The following ROR2 variants were observed in gnomAD, a reference collection of about 807,000 sequenced individuals.
ROR2 encodes ROR family WNT receptor 2, also known as tyrosine-protein kinase transmembrane receptor ROR2.
In ROR2, 33 loss-of-function variants were observed where a neutral mutation model predicts 74.9. The ratio of observed to expected loss-of-function variants is 0.44; its 90% confidence interval spans 0.33 to 0.59. The LOEUF is 0.59. Among genes scored for constraint, ROR2 ranks in the 20% least tolerant of loss-of-function variants. The pLI is 0.02. For synonymous variants in ROR2, 586 were observed against 558.7 expected (o/e 1.05, Z -0.69); for missense variants, 1,216 against 1,313.8 (o/e 0.93, Z 1.15).
chr9:91,795,712 T>C (rs1382742814), intron 1 of ROR2, among the ~76,000 whole-genome samples: 1 of 152,220 alleles, frequency 6.6e-6, no homozygotes, highest in African/African-American at 2.4e-5. Context: ...TAATCAATCA[T>C]GGCATCATGT....
At chr9:91,754,271 TTA>T (rs1049997313) in intron 4 of ROR2, among the ~76,000 whole-genome samples, 55 of 150,596 alleles carry the variant, frequency 3.7e-4, no homozygotes, top group African/African-American at 1.1e-3. Context: ...AGCTCTGTAA[TTA>T]TATGTTATGT....
intron 1 of ROR2, among the ~76,000 whole-genome samples, chr9:91,838,682 C>T (rs1471536052): frequency 2.0e-5 from 3 of 151,628 alleles, no homozygotes; most frequent in African/African-American, 7.3e-5. Flanking sequence ...CCGAGCACCA[C>T]GGCCGGCGCA....
chr9:91,866,009 T>C (rs1212403847), intron 1 of ROR2, among the ~76,000 whole-genome samples: 1 of 152,236 alleles, frequency 6.6e-6, no homozygotes, highest in Non-Finnish European at 1.5e-5. Flanking sequence ...CGTGGTACAA[T>C]ATTGGCATCA....
At chr9:91,813,325 T>C (rs1003809735) in intron 1 of ROR2, among the ~76,000 whole-genome samples, 2 of 152,176 alleles carry the variant, frequency 1.3e-5, no homozygotes, top group Admixed American at 1.3e-4. Context: ...ACCTAAACTT[T>C]CACTCTACAA....
intron 1 of ROR2, among the ~76,000 whole-genome samples, chr9:91,927,767 T>C (rs1389309943): frequency 6.6e-6 from 1 of 151,998 alleles, no homozygotes; most frequent in Non-Finnish European, 1.5e-5. Flanking sequence ...TTTCACCATG[T>C]TGCCCAGGCT....
At chr9:91,746,859 T>TAG (rs1825437463) in intron 4 of ROR2, among the ~76,000 whole-genome samples, 4 of 14,266 alleles carry the variant, frequency 2.8e-4, no homozygotes, top group African/African-American at 1.0e-3. Context: ...CTTGAGCAGG[T>TAG]GTGTGTGTGT....
intron 1 of ROR2, among the ~76,000 whole-genome samples, chr9:91,844,393 G>A (rs1399500305): frequency 1.3e-4 from 19 of 151,850 alleles, no homozygotes; most frequent in Admixed American, 9.9e-4. Context: ...CTTGTTCCTC[G>A]CCCAGGGAGC....
chr9:91,876,912 C>T (rs544150322), intron 1 of ROR2, among the ~76,000 whole-genome samples: 2 of 152,194 alleles, frequency 1.3e-5, no homozygotes, highest in East Asian at 1.9e-4. Flanking sequence ...CCAAGCTGAA[C>T]GACTCAAGTG....
At chr9:91,866,784 C>G (rs1829647287) in intron 1 of ROR2, among the ~76,000 whole-genome samples, 1 of 152,144 alleles carries the variant, frequency 6.6e-6, no homozygotes, top group South Asian at 2.1e-4. Flanking sequence ...ATAAGGCTAA[C>G]AGCTACCATA....
At chr9:91,880,764 C>A (rs1830086221) in intron 1 of ROR2, among the ~76,000 whole-genome samples, 2 of 152,238 alleles carry the variant, frequency 1.3e-5, no homozygotes, top group African/African-American at 4.8e-5. Flanking sequence ...AACCTGCCTG[C>A]ACTCTTCAGA....
At chr9:91,784,083 C>G (rs1466030065) in intron 1 of ROR2, among the ~76,000 whole-genome samples, 2 of 152,152 alleles carry the variant, frequency 1.3e-5, no homozygotes, top group East Asian at 3.9e-4. Flanking sequence ...ACTTGCATGT[C>G]CAGGAGACAC....
At chr9:91,904,250 G>A (rs1235911385) in intron 1 of ROR2, among the ~76,000 whole-genome samples, 1 of 152,088 alleles carries the variant, frequency 6.6e-6, no homozygotes, top group Non-Finnish European at 1.5e-5. Flanking sequence ...TGGCACCAGG[G>A]ATCATGGAAG....
intron 2 of ROR2, among the ~76,000 whole-genome samples, 187 bp from the exon 3 acceptor site, chr9:91,757,746 A>T (rs1259837449): frequency 6.6e-6 from 1 of 152,104 alleles, no homozygotes; most frequent in Non-Finnish European, 1.5e-5. Context: ...TGAATACTGA[A>T]CCACTGCTCC....
At chr9:91,890,846 G>A (rs1308251877) in intron 1 of ROR2, among the ~76,000 whole-genome samples, 1 of 152,076 alleles carries the variant, frequency 6.6e-6, no homozygotes, top group Non-Finnish European at 1.5e-5. Flanking sequence ...AGTTAACTAG[G>A]CCTATTTTGC....
At chr9:91,760,838 G>A (rs981765961) in intron 2 of ROR2, among the ~76,000 whole-genome samples, 2 of 152,106 alleles carry the variant, frequency 1.3e-5, no homozygotes, top group African/African-American at 4.8e-5. Context: ...CAGACCTTCT[G>A]AAGTATTCAG....
chr9:91,756,584 C>A (rs184898473), intron 3 of ROR2, among the ~76,000 whole-genome samples: 22 of 152,168 alleles, frequency 1.4e-4, no homozygotes, highest in Non-Finnish European at 3.1e-4. Flanking sequence ...TCGGGCCCTA[C>A]CTAGCCGTCC....
intron 1 of ROR2, among the ~76,000 whole-genome samples, chr9:91,830,546 A>C (rs1406342543): frequency 6.6e-6 from 1 of 152,228 alleles, no homozygotes; most frequent in Non-Finnish European, 1.5e-5. Context: ...TTCAGAGCAC[A>C]CAGCACTAAC....
Position 91,932,670 on chromosome 9 carries a change from A to G in ROR2, c.97+17197T>C, listed in dbSNP as rs537742906. On this transcript the variant is annotated intron_variant, in intron 1 of 8. Coordinates refer to ENST00000375708, the MANE Select transcript of ROR2 (RefSeq NM_004560.4). ...CTGAGCGAGACTGTCTCAAAAAAAA[A>G]AAAGAAAGAAAGAAAAGAAAACAGA... is the stretch of plus-strand genomic sequence containing the variant. Among the ~76,000 whole-genome samples, 82 of 152,162 alleles carry G rather than the reference A, an allele frequency of 5.4e-4. 1 individual carries two copies. The highest frequency in any genetic ancestry group is 1.0e-3 in the Non-Finnish European group (71 of 67,978).
intron 1 of ROR2, among the ~76,000 whole-genome samples, chr9:91,799,538 A>G (rs571098391): frequency 1.3e-5 from 2 of 152,254 alleles, no homozygotes; most frequent in South Asian, 4.1e-4. Flanking sequence ...GCACTCAGAA[A>G]CGGAGCCCTT....
Sources: gnomAD v4.1 joint callset for allele counts (sites outside exome capture counted in the v4.1 genomes callset) on GRCh38, gnomAD v4.1.1 for gene constraint, MANE v1.5 for transcripts, NCBI Gene and HGNC (gene_info 2026-07-23, HGNC 2026-07-21) for gene names.